Variants in GRIN3A observed in about 807,000 individuals in gnomAD.
GRIN3A encodes the protein glutamate ionotropic receptor NMDA type subunit 3A, also known as glutamate receptor ionotropic, NMDA 3A.
A neutral mutation model predicts 92.4 loss-of-function variants in GRIN3A; 47 were observed. The ratio of observed to expected loss-of-function variants is 0.51; its 90% CI spans 0.40 to 0.65. The LOEUF (loss-of-function observed/expected upper bound fraction) is 0.65. Ranked by LOEUF, GRIN3A falls within the 30% of genes least tolerant of loss-of-function variation. The pLI is 0.00. For missense variants in GRIN3A, 1,324 were observed against 1,393.1 expected, an observed-to-expected ratio of 0.95 and a Z score of 0.79; for synonymous variants, 527 against 540.6, an observed-to-expected ratio of 0.97 and a Z score of 0.35.
At chr9:101,658,774 C>T (rs1263934766) in intron 3 of GRIN3A, among the ~76,000 whole-genome samples, 1 of 151,738 alleles carries the variant, frequency 6.6e-6, no homozygotes, top group Non-Finnish European at 1.5e-5. Context: ...ATCTATCTAT[C>T]TATCTATGTA....
intron 4 of GRIN3A, among the ~76,000 whole-genome samples, chr9:101,623,916 C>T (rs890573792): frequency 1.3e-5 from 2 of 152,204 alleles, no homozygotes; most frequent in Non-Finnish European, 2.9e-5. Context: ...GGACTAGGTT[C>T]AGATGAAGGG....
chr9:101,629,741 G>A (rs576347139), intron 3 of GRIN3A, among the ~76,000 whole-genome samples: 9 of 152,182 alleles, frequency 5.9e-5, no homozygotes, highest in Non-Finnish European at 8.8e-5. Flanking sequence ...ATACATTATC[G>A]TGCTGAATCC....
intron 1 of GRIN3A, among the ~76,000 whole-genome samples, chr9:101,736,272 C>T (rs1039409126): frequency 7.9e-5 from 12 of 152,130 alleles, no homozygotes; most frequent in African/African-American, 2.4e-4. Flanking sequence ...ATGCCAATTA[C>T]CTATTTGCTT....
chr9:101,691,600 A>G (rs754633778), intron 1 of GRIN3A, among the ~76,000 whole-genome samples: 1 of 152,176 alleles, frequency 6.6e-6, no homozygotes, highest in Non-Finnish European at 1.5e-5. Flanking sequence ...TTGACCATCC[A>G]TTCTTCTTTG....
intron 6 of GRIN3A, among the ~76,000 whole-genome samples, chr9:101,585,753 T>C (rs2118797284): frequency 6.6e-6 from 1 of 152,302 alleles, no homozygotes. Context: ...ACCTAGATTA[T>C]TGAGACAGCC....
intron 8 of GRIN3A, 78 bp downstream of exon 8, chr9:101,577,690 G>A: frequency 9.3e-7 from 1 of 1,071,094 alleles, no homozygotes; most frequent in Non-Finnish European, 1.5e-6. Flanking sequence ...GCCCTGATTT[G>A]ATCTGAATAA....
chr9:101,693,013 C>A (rs1052094917), intron 1 of GRIN3A, among the ~76,000 whole-genome samples: 1 of 151,966 alleles, frequency 6.6e-6, no homozygotes, highest in African/African-American at 2.4e-5. Context: ...TCACAATGGC[C>A]TCATGAGGTG....
intron 3 of GRIN3A, among the ~76,000 whole-genome samples, chr9:101,652,369 C>T (rs527426580): frequency 6.6e-6 from 1 of 152,008 alleles, no homozygotes; most frequent in Non-Finnish European, 1.5e-5. Context: ...ATGGGCAGTT[C>T]TCATGTGGTG....
intron 3 of GRIN3A, among the ~76,000 whole-genome samples, chr9:101,643,280 C>T (rs1828890489): frequency 6.6e-6 from 1 of 152,024 alleles, no homozygotes; most frequent in African/African-American, 2.4e-5. Context: ...ATACAAATAG[C>T]CACAAAGTAT....
chr9:101,695,374 A>G (rs1243123552), intron 1 of GRIN3A, among the ~76,000 whole-genome samples: 3 of 152,218 alleles, frequency 2.0e-5, no homozygotes, highest in African/African-American at 7.2e-5. Context: ...GCACCAAGAA[A>G]CAAATTGAGG....
At chr9:101,730,103 C>T (rs1830120709) in intron 1 of GRIN3A, among the ~76,000 whole-genome samples, 1 of 152,086 alleles carries the variant, frequency 6.6e-6, no homozygotes, top group South Asian at 2.1e-4. Context: ...AAACTCCAAC[C>T]ACCCTGAACC....
At chr9:101,602,330 T>C (rs1012716730) in intron 6 of GRIN3A, among the ~76,000 whole-genome samples, 1 of 152,166 alleles carries the variant, frequency 6.6e-6, no homozygotes, top group Non-Finnish European at 1.5e-5. Flanking sequence ...ACAACTCGCA[T>C]CAATAGCCAC....
At chr9:101,698,763 G>A (rs1005529035) in intron 1 of GRIN3A, among the ~76,000 whole-genome samples, 4 of 152,078 alleles carry the variant, frequency 2.6e-5, no homozygotes, top group African/African-American at 9.7e-5. Context: ...CCGGCTCCTG[G>A]GTTCAAGCGA....
At chr9:101,622,727 C>A (rs1828574599) in intron 5 of GRIN3A, among the ~76,000 whole-genome samples, 1 of 152,090 alleles carries the variant, frequency 6.6e-6, no homozygotes, top group Non-Finnish European at 1.5e-5. Flanking sequence ...CCAGTATTAT[C>A]ATCTAATTGT....
intron 1 of GRIN3A, among the ~76,000 whole-genome samples, chr9:101,687,930 C>G (rs1829560140): frequency 6.6e-6 from 1 of 152,112 alleles, no homozygotes; most frequent in Non-Finnish European, 1.5e-5. Flanking sequence ...AGAAGAGAAA[C>G]TTATTTGAAA....
chr9:101,652,553 G>A (rs894445569), intron 3 of GRIN3A, among the ~76,000 whole-genome samples: 8 of 151,916 alleles, frequency 5.3e-5, no homozygotes, highest in Admixed American at 5.3e-4. Context: ...TCCACCAAAG[G>A]TGCTGTCCTC....
At chr9:101,653,688 G>A (rs1326427678) in intron 3 of GRIN3A, among the ~76,000 whole-genome samples, 5 of 151,710 alleles carry the variant, frequency 3.3e-5, no homozygotes, top group African/African-American at 9.7e-5. Context: ...TAAGTATTTT[G>A]TTCTCTTGGT....
intron 5 of GRIN3A, among the ~76,000 whole-genome samples, chr9:101,616,244 GTGTT>G (rs886941780): frequency 5.8e-4 from 89 of 152,188 alleles, no homozygotes; most frequent in Middle Eastern, 6.8e-3. Context: ...TCCTGAATAA[GTGTT>G]TGTGCAGTTG....
chr9:101,572,962 G>T lies in GRIN3A; in HGVS notation c.*212C>A. 2 of 576,342 alleles carry T rather than the reference G, an allele frequency of 3.5e-6. No individual in the cohort carries two copies. Among genetic ancestry groups the T allele is most frequent in the Non-Finnish European group, 6.2e-6 (2 of 321,486 alleles). 35.7% of individuals were successfully genotyped at this position (576,342 alleles called of 1,614,324 possible). Reference sequence around the variant, plus strand: ...GAGCTTACTCCTGACTAAGATTCTTGCTAGAAAAACACTCCTACCCTGGAG... The same window carrying T: ...GAGCTTACTCCTGACTAAGATTCTTTCTAGAAAAACACTCCTACCCTGGAG... On this transcript the variant is annotated 3_prime_UTR_variant, in exon 9 of 9. Coordinates refer to ENST00000361820, the MANE Select transcript of GRIN3A (RefSeq NM_133445.3).
Sources: gnomAD v4.1 joint callset for allele counts (sites outside exome capture counted in the v4.1 genomes callset) on GRCh38, gnomAD v4.1.1 for gene constraint, MANE v1.5 for transcripts, NCBI Gene and HGNC (gene_info 2026-07-23, HGNC 2026-07-21) for gene names.